DLGAP4: variants seen among roughly 807,000 people sequenced by gnomAD.
The protein encoded by DLGAP4 is disks large-associated protein 4.
DLGAP4 carries 18 observed loss-of-function variants against 86.9 expected under a neutral mutation model. The observed-to-expected ratio is 0.21, with a 90% CI of 0.14 to 0.31. The LOEUF (loss-of-function observed/expected upper bound fraction) is 0.31. DLGAP4 is among the 10% of genes least tolerant of loss of function. DLGAP4 has a pLI of 1.00. For missense variants in DLGAP4, 1,085 were observed against 1,362.6 expected, an observed-to-expected ratio of 0.80 and a Z score of 3.21; for synonymous variants, 548 against 574.3, an observed-to-expected ratio of 0.95 and a Z score of 0.65.
At chr20:36,372,251 C>A (rs1288310668) in intron 2 of DLGAP4, among the ~76,000 whole-genome samples, 1 of 152,206 alleles carries the variant, frequency 6.6e-6, no homozygotes, top group East Asian at 1.9e-4. Flanking sequence ...AAGGTGGCAC[C>A]TACCGTGTGT....
intron 8 of DLGAP4, chr20:36,497,617 G>A (rs2035945357): frequency 7.1e-6 from 7 of 987,526 alleles, no homozygotes; most frequent in Non-Finnish European, 8.4e-6. Flanking sequence ...GTGGCTTGAG[G>A]TACCAGGCCC....
intron 2 of DLGAP4, among the ~76,000 whole-genome samples, chr20:36,387,885 T>C (rs1020273156): frequency 1.3e-5 from 2 of 152,244 alleles, no homozygotes; most frequent in African/African-American, 4.8e-5. Flanking sequence ...ATTTCGGTTC[T>C]ACACTAATCA....
chr20:36,359,509 G>C (rs1555894064), intron 1 of DLGAP4, among the ~76,000 whole-genome samples: 1 of 152,172 alleles, frequency 6.6e-6, no homozygotes, highest in Non-Finnish European at 1.5e-5. Flanking sequence ...CTTAGGGAGA[G>C]ATCTGGGGCT....
At chr20:36,466,925 G>GCTCT (rs545978839) in intron 7 of DLGAP4, among the ~76,000 whole-genome samples, 30 of 131,058 alleles carry the variant, frequency 2.3e-4, no homozygotes, top group African/African-American at 2.6e-4. Context: ...TCTCGCTCTT[G>GCTCT]CTCTCTCTCT....
At position 36,431,466 on chromosome 20, in the gene DLGAP4, G is replaced by A. The variant is rs528794739; in HGVS notation, c.-72-180G>A. Among the ~76,000 whole-genome samples, 54 of 152,212 alleles carry A rather than the reference G, an allele frequency of 3.5e-4. No homozygotes were observed. Among genetic ancestry groups the A allele is most frequent in the Non-Finnish European group, 6.8e-4 (46 of 67,990 alleles). On this transcript the variant is annotated intron_variant, in intron 2 of 12. Coordinates refer to ENST00000339266, the MANE Select transcript of DLGAP4 (RefSeq NM_001365621.2). This position sits in a 1 kb window ranked among gnomAD's most constrained non-coding sequence, Gnocchi z 5.1. ...TGTCTGATAGTCGGTAGCTTGAGTTGTAACTTTTATTTATACACAGAGTAC... is the reference window on the plus strand; with the variant it reads ...TGTCTGATAGTCGGTAGCTTGAGTTATAACTTTTATTTATACACAGAGTAC...
At chr20:36,408,984 C>G (rs967717942) in intron 2 of DLGAP4, among the ~76,000 whole-genome samples, 7 of 149,620 alleles carry the variant, frequency 4.7e-5, no homozygotes, top group African/African-American at 7.4e-5. Flanking sequence ...CAAGAAGTCT[C>G]TATACTATCT....
At chr20:36,497,097 A>G in intron 8 of DLGAP4, 31 bp downstream of exon 8, 1 of 1,553,984 alleles carries the variant, frequency 6.4e-7, no homozygotes, top group Non-Finnish European at 8.7e-7. Context: ...CTGTGTCCTC[A>G]GCCCACTCCG....
At chr20:36,369,684 G>A (rs954755877) in intron 2 of DLGAP4, among the ~76,000 whole-genome samples, 1 of 152,140 alleles carries the variant, frequency 6.6e-6, no homozygotes, top group Non-Finnish European at 1.5e-5. Context: ...GTTTCTGAGG[G>A]GCCAGCAGTG....
chr20:36,420,999 G>A (rs140528787), intron 2 of DLGAP4, among the ~76,000 whole-genome samples: 137 of 151,880 alleles, frequency 9.0e-4, no homozygotes, highest in Middle Eastern at 3.4e-3. Flanking sequence ...ATTAGTAGCC[G>A]TGCCTGTGGT....
chr20:36,358,304 C>T (rs1298735341), intron 1 of DLGAP4, among the ~76,000 whole-genome samples: 2 of 152,226 alleles, frequency 1.3e-5, no homozygotes, highest in African/African-American at 2.4e-5. Context: ...CATCCCCGTC[C>T]TCGTGGCTCC....
intron 2 of DLGAP4, among the ~76,000 whole-genome samples, chr20:36,416,488 C>G (rs2032657930): frequency 6.6e-6 from 1 of 152,176 alleles, no homozygotes; most frequent in Non-Finnish European, 1.5e-5. Context: ...TTGGTGGAAC[C>G]CGGGCGAACC....
rs1182846951 is a variant in DLGAP4, at chr20:36,393,083, AG to A, written c.-73+25810del. Among the ~76,000 whole-genome samples the A allele has an allele frequency of 6.6e-6, 1 of 152,130 alleles. No individual in the cohort carries two copies. Among genetic ancestry groups the A allele is most frequent in the Non-Finnish European group, 1.5e-5 (1 of 68,014 alleles). On this transcript the variant is annotated intron_variant, in intron 2 of 12. Transcript: ENST00000339266. This position sits in a 1 kb window ranked among gnomAD's most constrained non-coding sequence, Gnocchi z 4.4. ...GGGAATGGGTGGGGTAGGAATGTTC[AG>A]GAAGGAATCATGTGGCCTTCATGAG...
chr20:36,521,229 G>C (rs2147855232), intron 10 of DLGAP4, among the ~76,000 whole-genome samples: 1 of 152,296 alleles, frequency 6.6e-6, no homozygotes, highest in Non-Finnish European at 1.5e-5. Flanking sequence ...TCAAAGTGCT[G>C]GGATTACAGG....
At chr20:36,341,523 C>T (rs1490765182) in intron 1 of DLGAP4, among the ~76,000 whole-genome samples, 1 of 152,226 alleles carries the variant, frequency 6.6e-6, no homozygotes, top group Non-Finnish European at 1.5e-5. Context: ...CCTTTGTTCC[C>T]GCAGTAACCC....
At chr20:36,524,405 C>G (rs1447668580) in intron 11 of DLGAP4, 64 bp downstream of exon 11, 2 of 1,422,982 alleles carry the variant, frequency 1.4e-6, no homozygotes, top group Non-Finnish European at 1.9e-6. Context: ...CTATACTCTG[C>G]CAGCCCCTCG....
intron 7 of DLGAP4, among the ~76,000 whole-genome samples, chr20:36,453,034 T>G (rs974735869): frequency 6.6e-6 from 1 of 151,932 alleles, no homozygotes; most frequent in Admixed American, 6.6e-5. Flanking sequence ...GGTTTCACCA[T>G]GTTGGCCAGG....
At chr20:36,503,797 A>G (rs1278256673) in intron 10 of DLGAP4, among the ~76,000 whole-genome samples, 1 of 152,116 alleles carries the variant, frequency 6.6e-6, no homozygotes, top group Non-Finnish European at 1.5e-5. Flanking sequence ...ACCCGGCCCC[A>G]TATTTGGCCT....
At chr20:36,472,567 G>T (rs1291179459) in intron 7 of DLGAP4, among the ~76,000 whole-genome samples, 1 of 150,536 alleles carries the variant, frequency 6.6e-6, no homozygotes, top group Admixed American at 6.6e-5. Context: ...TAGGAAAACT[G>T]CAGCCTGGAG....
intron 2 of DLGAP4, among the ~76,000 whole-genome samples, chr20:36,411,255 G>A (rs2032489520): frequency 6.6e-6 from 1 of 152,162 alleles, no homozygotes; most frequent in African/African-American, 2.4e-5. Flanking sequence ...CTCCCAAAGT[G>A]CAGGATTATA....
Sources: gnomAD v4.1 joint callset for allele counts (sites outside exome capture counted in the v4.1 genomes callset) on GRCh38, gnomAD v4.1.1 for gene constraint, Gnocchi (gnomAD v3.1) non-coding constraint, MANE v1.5 for transcripts, NCBI Gene and HGNC (gene_info 2026-07-23, HGNC 2026-07-21) for gene names.